Variants in NCOR2 observed in about 807,000 individuals in gnomAD.
NCOR2 encodes the protein nuclear receptor corepressor 2.
A neutral mutation model predicts 262.9 loss-of-function variants in NCOR2; 81 were observed. The ratio of observed to expected loss-of-function variants is 0.31; its 90% CI spans 0.26 to 0.37. The LOEUF is 0.37. NCOR2 is among the 10% of genes least tolerant of loss of function. NCOR2 has a pLI of 1.00. For synonymous variants in NCOR2, 1,659 were observed against 1,559.3 expected, an observed-to-expected ratio of 1.06 and a Z score of -1.51; for missense variants, 3,385 against 3,621.4, an observed-to-expected ratio of 0.93 and a Z score of 1.68.
rs1029984594 is a variant in NCOR2 at position 124,549,331 on chromosome 12, G to C, written c.-164-13720C>G. Among the ~76,000 whole-genome samples the C allele has an allele frequency of 9.2e-5, 14 of 152,152 alleles. No individual in the cohort carries two copies. The highest frequency in any genetic ancestry group is 8.5e-4 in the Admixed American group (13 of 15,274). On this transcript the variant is annotated intron_variant, in intron 1 of 32. Transcript: ENST00000458234. This position sits in a 1 kb window ranked among gnomAD's most constrained non-coding sequence, Gnocchi z 4.4. ...AAAATCCCACACTCCCCGCTTGGCC[G>C]GGTGGCCCACTGCCCGTCTGGCTTT...
intron 2 of NCOR2, 97 bp downstream of exon 4, chr12:124,486,344 G>A: frequency 6.6e-7 from 1 of 1,515,116 alleles, no homozygotes; most frequent in Non-Finnish European, 8.8e-7. Context: ...TCATTTCACA[G>A]GACCCTGTGT....
intron 1 of NCOR2, among the ~76,000 whole-genome samples, chr12:124,556,733 C>T (rs1284579183): frequency 1.3e-5 from 2 of 151,984 alleles, no homozygotes; most frequent in African/African-American, 2.4e-5. Flanking sequence ...GCCTATAATC[C>T]GTTACTCAGG....
Position 124,523,443 on chromosome 12 carries a change from G to A in NCOR2, c.-118+12122C>T, listed in dbSNP as rs1461830438. On this transcript the variant is annotated intron_variant, in intron 1 of 46. Coordinates refer to the NCOR2 transcript ENST00000404621. This position sits in a 1 kb window ranked among gnomAD's most constrained non-coding sequence, Gnocchi z 4.0. ...TCCACGCCAGCCAGCTGGATCCCAGGGACCTAACCCGGGAAGGACACATCA... is the reference window on the plus strand; with the variant it reads ...TCCACGCCAGCCAGCTGGATCCCAGAGACCTAACCCGGGAAGGACACATCA... Among the ~76,000 whole-genome samples, 4 of 152,108 alleles carry A rather than the reference G, an allele frequency of 2.6e-5. No homozygotes were observed. Among genetic ancestry groups the A allele is most frequent in the East Asian group, 1.9e-4 (1 of 5,192 alleles).
At chr12:124,561,644 C>G (rs537483741) in intron 1 of NCOR2, among the ~76,000 whole-genome samples, 1 of 152,048 alleles carries the variant, frequency 6.6e-6, no homozygotes, top group African/African-American at 2.4e-5. Flanking sequence ...GCACACCAGG[C>G]TAGGTTTGGG....
intron 7 of NCOR2, among the ~76,000 whole-genome samples, chr12:124,438,369 C>T (rs963431237): frequency 1.3e-5 from 2 of 152,138 alleles, no homozygotes; most frequent in African/African-American, 2.4e-5. Flanking sequence ...CCACAGAGCC[C>T]GAGACCCCGA....
At chr12:124,515,025 C>T (rs537111398) in intron 1 of NCOR2, among the ~76,000 whole-genome samples, 1 of 152,190 alleles carries the variant, frequency 6.6e-6, no homozygotes, top group Admixed American at 6.5e-5. Context: ...ACAGGAACAC[C>T]CTTACAGCAG....
In NCOR2 at chr12:124,520,609, ATTGT is replaced by A. The variant is rs372981199; in HGVS notation, c.-118+14952_-118+14955del. 7.4e-4 allele frequency among the ~76,000 whole-genome samples: 113 copies of A among 152,236 alleles called. 1 individual carries two copies. Among genetic ancestry groups the A allele is most frequent in the Middle Eastern group, 3.4e-3 (1 of 294 alleles). On this transcript the variant is annotated intron_variant, in intron 1 of 46. Transcript: ENST00000404621. ...TTCCCCGCCAGACACTCCGCAGCAAATTGTTTGTTGAGTGACTTAATGAAGACCA... is the reference window on the plus strand; with the variant it reads ...TTCCCCGCCAGACACTCCGCAGCAAATTGTTGAGTGACTTAATGAAGACCA...
At chr12:124,438,770 C>CAG (rs200291120) in intron 7 of NCOR2, among the ~76,000 whole-genome samples, 7 of 46,550 alleles carry the variant, frequency 1.5e-4, no homozygotes, top group Admixed American at 5.2e-4. Context: ...GACAGAGACC[C>CAG]AGAGAGACAG....
intron 41 of NCOR2, among the ~76,000 whole-genome samples, chr12:124,333,532 G>C (rs1352483943): frequency 6.6e-6 from 1 of 152,046 alleles, no homozygotes; most frequent in Admixed American, 6.5e-5. Context: ...GCCCGGGCTA[G>C]ATCTGGCCCA....
intron 1 of NCOR2, among the ~76,000 whole-genome samples, chr12:124,512,766 G>A (rs2049472617): frequency 6.6e-6 from 1 of 152,198 alleles, no homozygotes; most frequent in Admixed American, 6.5e-5. Flanking sequence ...GTTTGAACCT[G>A]GCTTTCCGAG....
In NCOR2 at chr12:124,380,069, G is replaced by A. The variant is rs112040016; in HGVS notation, c.2020-1685C>T. Among the ~76,000 whole-genome samples, 3 of 152,334 alleles carry A rather than the reference G, an allele frequency of 2.0e-5. 1 individual carries two copies. The highest frequency in any genetic ancestry group is 4.8e-5 in the African/African-American group (2 of 41,574). ...CCACCGGTCTGTGGTACTTCCTTGC[G>A]GCAGCCAGGGGGAATCACACATCCC... On this transcript the variant is annotated intron_variant, in intron 17 of 46. Transcript: ENST00000405201.
chr12:124,381,002 C>T (rs1391893818), intron 17 of NCOR2, among the ~76,000 whole-genome samples: 1 of 152,152 alleles, frequency 6.6e-6, no homozygotes, highest in Non-Finnish European at 1.5e-5. Flanking sequence ...ATGCGCCAAG[C>T]GGTTTCTGGT....
chr12:124,451,882 C>A (rs1156541557), intron 6 of NCOR2, among the ~76,000 whole-genome samples: 1 of 140,220 alleles, frequency 7.1e-6, no homozygotes, highest in Non-Finnish European at 1.6e-5. Context: ...TGCAGCTCTA[C>A]AGAGCCTCAC....
chr12:124,374,139 C>G (rs928198332), intron 19 of NCOR2, among the ~76,000 whole-genome samples: 4 of 152,200 alleles, frequency 2.6e-5, no homozygotes, highest in African/African-American at 7.2e-5. Context: ...CATTTGCTAT[C>G]AGGGAAATCA....
chr12:124,438,774 G>C (rs2044553319), intron 7 of NCOR2, among the ~76,000 whole-genome samples: 1 of 88,886 alleles, frequency 1.1e-5, no homozygotes, highest in Non-Finnish European at 2.5e-5. Context: ...GAGACCCAGA[G>C]AGACAGAGAG....
intron 18 of NCOR2, among the ~76,000 whole-genome samples, chr12:124,376,560 C>T (rs1345280516): frequency 6.6e-6 from 1 of 152,228 alleles, no homozygotes; most frequent in African/African-American, 2.4e-5. Context: ...TTCTGGTCAA[C>T]TTGGGTCAGA....
At chr12:124,366,046 G>A (rs1049633321) in intron 20 of NCOR2, among the ~76,000 whole-genome samples, 1 of 152,232 alleles carries the variant, frequency 6.6e-6, no homozygotes, top group East Asian at 1.9e-4. Context: ...GAAAGCAGTC[G>A]GTGAGCCCTC....
At chr12:124,406,716 C>T (rs192662280) in intron 13 of NCOR2, among the ~76,000 whole-genome samples, 261 of 152,218 alleles carry the variant, frequency 1.7e-3, no homozygotes, top group Non-Finnish European at 2.8e-3. Context: ...TGTGACAAAC[C>T]CTACTGGATC....
At chr12:124,384,575 C>T (rs1054821123) in intron 17 of NCOR2, among the ~76,000 whole-genome samples, 9 of 152,188 alleles carry the variant, frequency 5.9e-5, no homozygotes, top group African/African-American at 2.2e-4. Flanking sequence ...CACTAAGAAC[C>T]CACTCGGGAG....
Sources: gnomAD v4.1 joint callset for allele counts (sites outside exome capture counted in the v4.1 genomes callset) on GRCh38, gnomAD v4.1.1 for gene constraint, Gnocchi (gnomAD v3.1) non-coding constraint, MANE v1.5 for transcripts, NCBI Gene and HGNC (gene_info 2026-07-23, HGNC 2026-07-21) for gene names.